DHX8: variants seen among roughly 807,000 people sequenced by gnomAD.
DHX8 encodes the protein DEAH-box helicase 8.
DHX8 carries 67 observed loss-of-function variants against 140.7 expected under a neutral mutation model. The observed-to-expected ratio is 0.48, with a 90% CI of 0.39 to 0.58. The LOEUF is 0.58. DHX8 is among the 20% of genes least tolerant of loss of function. DHX8 has a pLI of 0.00. For synonymous variants in DHX8, 533 were observed against 553.2 expected (o/e 0.96, Z 0.51); for missense variants, 887 against 1,550.7 (o/e 0.57, Z 7.19).
intron 15 of DHX8, 21 bp from the exon 16 acceptor site, chr17:43,508,318 A>C: frequency 2.5e-6 from 4 of 1,599,030 alleles, no homozygotes; most frequent in Non-Finnish European, 3.4e-6. Flanking sequence ...AAAGTAGATG[A>C]ATGTTCTATT....
In DHX8 at chr17:43,501,030, T is replaced by C. The variant is rs558325201; in HGVS notation, c.1546+927T>C. 4.4e-4 allele frequency among the ~76,000 whole-genome samples: 67 copies of C among 152,276 alleles called. No homozygotes were observed. The South Asian group carries it at 4.8e-3, about 11-fold the overall frequency. On this transcript the variant is annotated intron_variant, in intron 11 of 22. Coordinates refer to ENST00000262415, the MANE Select transcript of DHX8 (RefSeq NM_004941.3). ...ATAACAAATACTTATTAATTTAATT[T>C]GTGTTTGGCAACTGGGGATACGATT...
intron 2 of DHX8, chr17:43,533,927 G>A: frequency 6.3e-7 from 1 of 1,582,884 alleles, no homozygotes. Flanking sequence ...ACAGGGCCGG[G>A]TCTGTGCGGG....
At chr17:43,509,841 G>A (rs1434315185) in intron 16 of DHX8, among the ~76,000 whole-genome samples, 1 of 151,516 alleles carries the variant, frequency 6.6e-6, no homozygotes, top group Admixed American at 6.6e-5. Flanking sequence ...GCTTATTTTT[G>A]TATTTTTAGT....
chr17:43,508,840 C>T (rs889190012), intron 16 of DHX8, among the ~76,000 whole-genome samples: 2 of 151,946 alleles, frequency 1.3e-5, no homozygotes, highest in African/African-American at 4.8e-5. Context: ...AGTATGGTCT[C>T]GATCTCCTGA....
chr17:43,499,899 T>G, intron 10 of DHX8, 57 bp from the exon 11 acceptor site: 1 of 1,595,728 alleles, frequency 6.3e-7, no homozygotes, highest in South Asian at 1.1e-5. Flanking sequence ...GAGCTTAACT[T>G]CTACATATTA....
chr17:43,505,381 C>A (rs577767868), intron 12 of DHX8, among the ~76,000 whole-genome samples: 1 of 152,100 alleles, frequency 6.6e-6, no homozygotes, highest in South Asian at 2.1e-4. Flanking sequence ...TGCACTCCAG[C>A]CTGGCTACAG....
At chr17:43,528,471 G>A (rs757289344), downstream of DHX8, 6 of 1,294,764 alleles carry the variant, frequency 4.6e-6, no homozygotes, top group African/African-American at 7.4e-5. Context: ...TCATTTATAT[G>A]TACACAGGGC....
At chr17:43,536,336 A>G in intron 2 of DHX8, 11 of 1,171,860 alleles carry the variant, frequency 9.4e-6, no homozygotes, top group Non-Finnish European at 1.4e-5. Context: ...TTAGGAGAGA[A>G]CAAGCTGCTC....
downstream of DHX8, chr17:43,528,895 C>T (rs1363962698): frequency 2.8e-6 from 2 of 704,068 alleles, no homozygotes; most frequent in Admixed American, 2.7e-5. Flanking sequence ...AGCTGACTCT[C>T]CCTTCACAGT....
chr17:43,530,052 C>A, downstream of DHX8: 1 of 1,610,750 alleles, frequency 6.2e-7, no homozygotes, highest in Non-Finnish European at 8.5e-7. Flanking sequence ...TCCCCCATGG[C>A]AGCGCTCCCT....
At chr17:43,497,085 C>A (rs1456811528) in intron 9 of DHX8, among the ~76,000 whole-genome samples, 1 of 152,194 alleles carries the variant, frequency 6.6e-6, no homozygotes, top group Admixed American at 6.5e-5. Context: ...GATCTTCTTT[C>A]TTCCTTCTAG....
intron 12 of DHX8, 45 bp from the exon 13 acceptor site, chr17:43,506,957 AT>A (rs777020853): frequency 1.4e-6 from 2 of 1,428,704 alleles, no homozygotes; most frequent in Admixed American, 4.6e-5. Flanking sequence ...CCATATTTAT[AT>A]TCTGGCAGAT....
At position 43,492,840 on chromosome 17, in the gene DHX8, A is replaced by G. The variant is rs758701682; in HGVS notation, c.663A>G (p.Arg221=). 22 of 1,614,090 alleles carry G rather than the reference A, an allele frequency of 1.4e-5. No individual in the cohort carries two copies. Among genetic ancestry groups the G allele is most frequent in the Middle Eastern group, 3.3e-4 (2 of 6,084 alleles). The change falls in exon 6 of 23, where the codon AGA becomes AGG. Residue 221 remains arginine (R), a synonymous_variant. Coordinates refer to ENST00000262415, the MANE Select transcript of DHX8 (RefSeq NM_004941.3). ...RTRERNKVKS[R]YRSRSRSQSP... is the part of the protein sequence containing the mutation. ...GGGAGAGGAATAAAGTGAAGTCTAG[A>G]TATCGGTCCAGGAGCAGGAGTCAGA...
intron 17 of DHX8, 46 bp downstream of exon 17, chr17:43,513,548 G>A: frequency 6.3e-7 from 1 of 1,586,686 alleles, no homozygotes; most frequent in Non-Finnish European, 8.6e-7. Context: ...CCTGATTAGG[G>A]CCTTTCTGAA....
intron 1 of DHX8, among the ~76,000 whole-genome samples, chr17:43,486,862 C>G (rs1344914081): frequency 1.5e-5 from 2 of 131,946 alleles, no homozygotes; most frequent in Non-Finnish European, 1.6e-5. Context: ...AGTGACAGAG[C>G]AAGACTCCGT....
rs984668514 is a variant in DHX8 at position 43,492,856 on chromosome 17, A to G, written c.679A>G (p.Arg227Gly). ...GAAGTCTAGATATCGGTCCAGGAGCAGGAGTCAGAGTCCCCCCAAAGACCG... is the reference window on the plus strand; with the variant it reads ...GAAGTCTAGATATCGGTCCAGGAGCGGGAGTCAGAGTCCCCCCAAAGACCG... ...KVKSRYRSRS[R>G]SQSPPKDRKD... Residue 227 changes from arginine to glycine, a missense_variant, in exon 6 of 23, where the codon AGG (arginine) becomes GGG (glycine). Physicochemically the swap from Arg to Gly is moderately radical, Grantham distance 125 (BLOSUM62 -2). Transcript: ENST00000262415. 3.7e-6 allele frequency: 6 copies of G among 1,614,088 alleles called. No individual in the cohort carries two copies. In the African/African-American group the frequency reaches 6.7e-5, roughly 18 times the overall value.
chr17:43,511,094 C>G (rs1486428906), intron 16 of DHX8, among the ~76,000 whole-genome samples: 1 of 152,072 alleles, frequency 6.6e-6, no homozygotes, highest in Non-Finnish European at 1.5e-5. Flanking sequence ...CTTTGGGAGG[C>G]TGAGGCAGAT....
Position 43,521,386 on chromosome 17 carries a change from A to C in DHX8, c.3084A>C (p.Ala1028=). ...FYRPKDKQAL[A]DQKKAKFHQT... ...CTTGGCAGGATAAACAAGCCCTTGC[A>C]GATCAGAAGAAGGCCAAATTCCACC... The change falls in exon 21 of 23, where the codon GCA becomes GCC. Residue 1028 remains alanine (A), a synonymous_variant. Transcript: ENST00000262415. The C allele has an allele frequency of 6.2e-7, 1 of 1,612,862 alleles. No homozygotes were observed. Among genetic ancestry groups the C allele is most frequent in the Non-Finnish European group, 8.5e-7 (1 of 1,179,300 alleles).
intron 1 of DHX8, among the ~76,000 whole-genome samples, chr17:43,484,438 G>GT (rs1319298959): frequency 1.3e-5 from 2 of 152,074 alleles, no homozygotes; most frequent in Non-Finnish European, 1.5e-5. Context: ...TTTTTTGTTT[G>GT]TTTTTTCAGC....
Sources: allele counts gnomAD v4.1 joint callset (sites outside exome capture counted in the v4.1 genomes callset), GRCh38; gene constraint gnomAD v4.1.1; transcripts MANE v1.5; gene names NCBI Gene and HGNC (gene_info 2026-07-23, HGNC 2026-07-21).